Variants in ENKUR observed in about 807,000 individuals in gnomAD.
ENKUR encodes enkurin, TRPC channel interacting protein.
Under a neutral mutation model 27.6 loss-of-function variants are expected in ENKUR, and 19 were observed. The ratio of observed to expected loss-of-function variants is 0.69; its 90% confidence interval spans 0.48 to 1.01. ENKUR has a LOEUF of 1.01. Among genes scored for constraint, ENKUR ranks in the 50% least tolerant of loss-of-function variants. ENKUR has a pLI of 0.00. For missense variants in ENKUR, 312 were observed against 310.5 expected (o/e 1.00, Z -0.04); for synonymous variants, 117 against 96.9 (o/e 1.21, Z -1.22).
intron 2 of ENKUR, among the ~76,000 whole-genome samples, chr10:25,031,710 A>G (rs1387386743): frequency 1.4e-5 from 2 of 144,972 alleles, no homozygotes; most frequent in Admixed American, 1.4e-4. Flanking sequence ...CTTTTCTGTT[A>G]TAGGTTACCA....
intron 3 of ENKUR, 31 bp from the exon 4 acceptor site, chr10:24,990,640 A>G: frequency 6.3e-7 from 1 of 1,580,314 alleles, no homozygotes; most frequent in Non-Finnish European, 8.6e-7. Flanking sequence ...AAAGTAATCA[A>G]TATTTTGTAT....
chr10:25,027,583 A>G (rs1029552215), intron 2 of ENKUR, among the ~76,000 whole-genome samples: 1 of 151,084 alleles, frequency 6.6e-6, no homozygotes, highest in Admixed American at 6.6e-5. Context: ...TGAGAGGAAC[A>G]GTGTTTTAAA....
In ENKUR at chr10:25,058,292, T is replaced by G. The variant is rs560073901; in HGVS notation, c.37+2820A>C. Among the ~76,000 whole-genome samples, 5 of 152,152 alleles carry G rather than the reference T, an allele frequency of 3.3e-5. No individual in the cohort carries two copies. In the South Asian group the frequency reaches 8.3e-4, roughly 25 times the overall value. ...GTATGATCACAGCTCACTGCAGCTT[T>G]GAACTCCTGGGTTCAAGTGATCCTC... On this transcript the variant is annotated intron_variant, in intron 2 of 5. Coordinates refer to the ENKUR transcript ENST00000615958.
At chr10:24,998,266 C>T (rs55849920) in intron 2 of ENKUR, among the ~76,000 whole-genome samples, 10 of 152,010 alleles carry the variant, frequency 6.6e-5, no homozygotes, top group African/African-American at 2.2e-4. Context: ...GAGACAGACT[C>T]GTTTCTTTTT....
intron 3 of ENKUR, among the ~76,000 whole-genome samples, chr10:24,991,455 A>G (rs1202249214): frequency 6.6e-6 from 1 of 151,714 alleles, no homozygotes; most frequent in Non-Finnish European, 1.5e-5. Flanking sequence ...GTCGAGAGGA[A>G]CACATCAATG....
At chr10:25,021,556 G>C (rs553885042) in intron 2 of ENKUR, among the ~76,000 whole-genome samples, 1 of 152,220 alleles carries the variant, frequency 6.6e-6, no homozygotes, top group East Asian at 1.9e-4. Context: ...TTTATAATGA[G>C]ACACACATGT....
At chr10:25,006,331 T>A (rs1235983281) in intron 1 of ENKUR, among the ~76,000 whole-genome samples, 1 of 152,176 alleles carries the variant, frequency 6.6e-6, no homozygotes, top group East Asian at 1.9e-4. Context: ...ACACACATGG[T>A]CTCCTCTCTC....
intron 2 of ENKUR, among the ~76,000 whole-genome samples, chr10:25,026,931 T>C (rs766103663): frequency 3.9e-5 from 6 of 152,166 alleles, no homozygotes; most frequent in Non-Finnish European, 7.4e-5. Flanking sequence ...GGAGCAGTTA[T>C]AGGAAAAAAA....
At chr10:25,051,430 G>T (rs902687599) in intron 2 of ENKUR, among the ~76,000 whole-genome samples, 8 of 151,822 alleles carry the variant, frequency 5.3e-5, no homozygotes, top group Non-Finnish European at 7.4e-5. Context: ...GGTTCTGCAG[G>T]CTGTACAGGA....
chr10:24,992,660 C>A (rs11014339), intron 3 of ENKUR, among the ~76,000 whole-genome samples: 5,579 of 152,268 alleles, frequency 0.037, 139 homozygotes, highest in Non-Finnish European at 0.058. Context: ...TGTAACAACC[C>A]TCAAAGGGCA....
At chr10:25,020,740 C>CAA (rs36007062), upstream of ENKUR, among the ~76,000 whole-genome samples, 5 of 134,084 alleles carry the variant, frequency 3.7e-5, no homozygotes, top group African/African-American at 5.9e-5. Context: ...GACCCTTTCT[C>CAA]AAAAAAAAAA....
intron 1 of ENKUR, among the ~76,000 whole-genome samples, chr10:25,006,327 A>G (rs1564341756): frequency 6.6e-6 from 1 of 152,080 alleles, no homozygotes; most frequent in Non-Finnish European, 1.5e-5. Flanking sequence ...TATTACACAC[A>G]TGGTCTCCTC....
intron 2 of ENKUR, chr10:25,026,671 T>C (rs1288123286): frequency 6.3e-6 from 1 of 158,984 alleles, no homozygotes; most frequent in East Asian, 1.9e-4. Context: ...CCAATTAGTG[T>C]AATGGACTAC....
chr10:25,050,029 G>A (rs1460024185), intron 2 of ENKUR, among the ~76,000 whole-genome samples: 1 of 152,104 alleles, frequency 6.6e-6, no homozygotes, highest in Admixed American at 6.5e-5. Flanking sequence ...GGAAGGTGAA[G>A]GGGGAGGAGG....
At chr10:25,000,594 C>T (rs879926189) in intron 1 of ENKUR, among the ~76,000 whole-genome samples, 1 of 152,094 alleles carries the variant, frequency 6.6e-6, no homozygotes, top group Non-Finnish European at 1.5e-5. Flanking sequence ...ATTCTGTGCT[C>T]TAGAATCTAC....
rs145306797 is a variant in ENKUR at position 25,025,118 on chromosome 10, A to G, written c.38-29249T>C. ...TGCCTAGCAGCTATTAACTCCACCTATAATACTTCAGGGTATATTTTGGAT... is the reference window on the plus strand; with the variant it reads ...TGCCTAGCAGCTATTAACTCCACCTGTAATACTTCAGGGTATATTTTGGAT... On this transcript the variant is annotated intron_variant, in intron 2 of 5. Transcript: ENST00000615958. 220 of 1,613,994 alleles carry G rather than the reference A, an allele frequency of 1.4e-4. 1 individual carries two copies. The highest frequency in any genetic ancestry group is 2.1e-4 in the South Asian group (19 of 91,086).
intron 2 of ENKUR, among the ~76,000 whole-genome samples, chr10:25,032,316 G>GGC (rs1564353486): frequency 1.3e-5 from 2 of 148,162 alleles, no homozygotes; most frequent in African/African-American, 5.0e-5. Flanking sequence ...AGTAAAGAAG[G>GGC]GGGGGGGGCT....
At chr10:25,059,495 A>C (rs1018838065) in intron 2 of ENKUR, among the ~76,000 whole-genome samples, 3 of 152,180 alleles carry the variant, frequency 2.0e-5, no homozygotes, top group African/African-American at 7.2e-5. Flanking sequence ...ACATAAAAAA[A>C]TTCATATGGT....
intron 1 of ENKUR, among the ~76,000 whole-genome samples, chr10:25,000,907 C>T (rs1850176361): frequency 1.3e-5 from 2 of 152,002 alleles, no homozygotes; most frequent in South Asian, 4.1e-4. Context: ...TTACAGTATA[C>T]AGGTTTAACT....
Sources: allele counts gnomAD v4.1 joint callset (sites outside exome capture counted in the v4.1 genomes callset), GRCh38; gene constraint gnomAD v4.1.1; transcripts MANE v1.5; gene names NCBI Gene and HGNC (gene_info 2026-07-23, HGNC 2026-07-21).